The following BIN1 variants were observed in gnomAD, a reference collection of about 807,000 sequenced individuals.
BIN1 encodes myc box-dependent-interacting protein 1.
In BIN1, 53 loss-of-function variants were observed where a neutral mutation model predicts 82.0. The ratio of observed to expected loss-of-function variants is 0.65; its 90% CI spans 0.52 to 0.81. The LOEUF (loss-of-function observed/expected upper bound fraction) is 0.81. Ranked by LOEUF, BIN1 falls within the 40% of genes least tolerant of loss-of-function variation. BIN1 has a pLI of 0.00. For synonymous variants in BIN1, 302 were observed against 328.0 expected, an observed-to-expected ratio of 0.92 and a Z score of 0.86; for missense variants, 642 against 784.4, an observed-to-expected ratio of 0.82 and a Z score of 2.17.
rs535169476 is a variant in BIN1, at chr2:127,057,773, A to G, written c.1003-172T>C. Among the ~76,000 whole-genome samples the G allele has an allele frequency of 1.3e-5, 2 of 151,562 alleles. No individual in the cohort carries two copies. Among genetic ancestry groups the G allele is most frequent in the African/African-American group, 4.8e-5 (2 of 41,372 alleles). ...GAGTCACTGCCCTCCCAGCCCCCCA[A>G]CATAGACACCAAGACCCCAGGCCAC... On this transcript the variant is annotated intron_variant, in intron 11 of 18. Transcript: ENST00000316724. The surrounding 1 kb of genome is among the most constrained non-coding windows in gnomAD (Gnocchi z 5.0).
rs1683913407 is a variant in BIN1 at position 127,057,876 on chromosome 2, A to G, written c.1003-275T>C. Among the ~76,000 whole-genome samples, 1 of 115,096 alleles carries G rather than the reference A, an allele frequency of 8.7e-6. No homozygotes were observed. Among genetic ancestry groups the G allele is most frequent in the Admixed American group, 8.3e-5 (1 of 12,090 alleles). The allele number at this position is 115,096 out of a possible 152,430, so 75.5% of individuals were successfully genotyped here. A position where few individuals can be genotyped will look rare whatever the true frequency, so the allele number is the denominator to read the frequency against. On this transcript the variant is annotated intron_variant, in intron 11 of 18. Transcript: ENST00000316724. This position sits in a 1 kb window ranked among gnomAD's most constrained non-coding sequence, Gnocchi z 5.0. ...AGAGATAGAGAAGTGAGGGGAGAGG[A>G]GGAAGGAGAGCGAAGAAGAGAAGAG...
intron 1 of BIN1, among the ~76,000 whole-genome samples, chr2:127,078,262 C>T (rs1332579253): frequency 6.6e-6 from 1 of 152,258 alleles, no homozygotes; most frequent in Middle Eastern, 3.2e-3. Flanking sequence ...TGCTCTGTGC[C>T]TGGCCTTGGG....
chr2:127,070,558 C>T lies in BIN1; in HGVS notation c.310G>A (p.Ala104Thr), dbSNP rs754932468. The change falls in exon 4 of 19, where the codon GCA becomes ACA. Residue 104 changes from alanine (A) to threonine (T), a missense_variant. Physicochemically the swap from Ala to Thr is moderately conservative, Grantham distance 58. Coordinates refer to ENST00000316724, the MANE Select transcript of BIN1 (RefSeq NM_139343.3). ...WPGRDEANKI[A>T]ENNDLLWMDY... Reference sequence around the variant, plus strand: ...CCCACCTGTCCCATGCTCACCTCTGCGATCTTGTTTGCCTCATCCCTGCCG... The same window carrying T: ...CCCACCTGTCCCATGCTCACCTCTGTGATCTTGTTTGCCTCATCCCTGCCG... The T allele has an allele frequency of 1.2e-6, 2 of 1,614,066 alleles. No homozygotes were observed. The highest frequency in any genetic ancestry group is 1.6e-4 in the Middle Eastern group (1 of 6,062).
chr2:127,070,996 G>A (rs965629661), intron 2 of BIN1, among the ~76,000 whole-genome samples, 180 bp from the exon 3 acceptor site: 3 of 152,098 alleles, frequency 2.0e-5, no homozygotes, highest in African/African-American at 4.8e-5. Flanking sequence ...GAAGCCCTGC[G>A]TCCATAGGCA....
intron 15 of BIN1, among the ~76,000 whole-genome samples, chr2:127,051,515 G>A (rs560521759): frequency 6.6e-6 from 1 of 152,238 alleles, no homozygotes; most frequent in Admixed American, 6.5e-5. Context: ...GCAAGCCCCA[G>A]AGTGCCACCC....
chr2:127,072,136 GGCCA>G (rs1685968209), intron 2 of BIN1, among the ~76,000 whole-genome samples: 1 of 152,224 alleles, frequency 6.6e-6, no homozygotes, highest in Non-Finnish European at 1.5e-5. Context: ...GCTCCAGTCT[GGCCA>G]GCTTCATGCT....
At chr2:127,089,360 G>A (rs920622521) in intron 1 of BIN1, among the ~76,000 whole-genome samples, 8 of 152,130 alleles carry the variant, frequency 5.3e-5, no homozygotes, top group Non-Finnish European at 7.4e-5. Flanking sequence ...CCAGGCTGGC[G>A]CGTGTACACA....
Position 127,048,163 on chromosome 2 carries a change from C to T in BIN1, c.*363G>A, listed in dbSNP as rs893642016. 122 of 345,248 alleles carry T rather than the reference C, an allele frequency of 3.5e-4. No individual in the cohort carries two copies. The highest frequency in any genetic ancestry group is 2.3e-3 in the African/African-American group (110 of 47,254). The allele number at this position is 345,248 out of a possible 1,614,324, so 21.4% of individuals were successfully genotyped here. ...GTCTGGGCCCCACCCACAGCAGCTG[C>T]CAGGAAAAGAGGACCCTTGCCCGGG... On this transcript the variant is annotated 3_prime_UTR_variant, in exon 19 of 19. Coordinates refer to ENST00000316724, the MANE Select transcript of BIN1 (RefSeq NM_139343.3).
At chr2:127,070,507 C>A (rs1205090955) in intron 4 of BIN1, 46 bp downstream of exon 4, 1 of 1,602,094 alleles carries the variant, frequency 6.2e-7, no homozygotes, top group East Asian at 2.2e-5. Flanking sequence ...GGAGCTGAGA[C>A]CAGAGGGCCC....
intron 4 of BIN1, 137 bp from the exon 5 acceptor site, chr2:127,070,227 G>C: frequency 4.0e-6 from 3 of 744,272 alleles, no homozygotes; most frequent in Non-Finnish European, 4.7e-6. Context: ...TTCCCCATCT[G>C]TAAGATGGGG....
chr2:127,084,412 G>C (rs1324516851), intron 1 of BIN1, among the ~76,000 whole-genome samples: 1 of 152,196 alleles, frequency 6.6e-6, no homozygotes, highest in African/African-American at 2.4e-5. Context: ...GCGACCAGTG[G>C]GAGGTTTCGG....
intron 1 of BIN1, among the ~76,000 whole-genome samples, chr2:127,102,402 T>C (rs920480021): frequency 6.6e-6 from 1 of 152,200 alleles, no homozygotes; most frequent in Non-Finnish European, 1.5e-5. Context: ...TTGCGATCCA[T>C]AGATCTTCCT....
chr2:127,107,000 C>T lies in BIN1; in HGVS notation c.-57G>A. 6.5e-7 allele frequency: 1 copy of T among 1,542,518 alleles called. No individual in the cohort carries two copies. The highest frequency in any genetic ancestry group is 8.7e-7 in the Non-Finnish European group (1 of 1,148,240). ...CGCTCTCGCGCGGGGAGATCTTGCG[C>T]GCCGCGCTCCCAGCCCCCAGCCCCG... On this transcript the variant is annotated 5_prime_UTR_variant, in exon 1 of 19. Transcript: ENST00000316724.
rs1341756364 is a variant in BIN1 at position 127,068,871 on chromosome 2, C to T, written c.519+53G>A. On this transcript the variant is annotated intron_variant, in intron 6 of 18. Coordinates refer to ENST00000316724, the MANE Select transcript of BIN1 (RefSeq NM_139343.3). The surrounding 1 kb of genome is among the most constrained non-coding windows in gnomAD (Gnocchi z 4.9). ...CTCCACCCTCGGGGTCCTAGACACC[C>T]GCCCTCTCTCAGCCCCCTGCAGACG... 9.1e-6 allele frequency: 14 copies of T among 1,539,514 alleles called. No homozygotes were observed. The highest frequency in any genetic ancestry group is 1.7e-5 in the Admixed American group (1 of 59,858).
chr2:127,091,135 T>C (rs1049021985), intron 1 of BIN1, among the ~76,000 whole-genome samples: 1 of 152,128 alleles, frequency 6.6e-6, no homozygotes, highest in Non-Finnish European at 1.5e-5. Flanking sequence ...TCAAACAGTA[T>C]TGTTGTCATT....
chr2:127,084,631 G>A lies in BIN1; in HGVS notation c.85-7925C>T, dbSNP rs139910938. ...GCCGCAGATTATTACCCCTGCTTTA[G>A]AGATAAGAAAGGAAAGGCTGCGGCA... is the stretch of plus-strand genomic sequence containing the variant. On this transcript the variant is annotated intron_variant, in intron 1 of 18. Coordinates refer to ENST00000316724, the MANE Select transcript of BIN1 (RefSeq NM_139343.3). 4.5e-3 allele frequency among the ~76,000 whole-genome samples: 688 copies of A among 152,346 alleles called. 8 individuals carry two copies. The highest frequency in any genetic ancestry group is 0.016 in the African/African-American group (651 of 41,572).
chr2:127,076,166 C>T (rs1270310396), intron 2 of BIN1, among the ~76,000 whole-genome samples: 1 of 152,160 alleles, frequency 6.6e-6, no homozygotes, highest in Non-Finnish European at 1.5e-5. Context: ...CGGATGCCTC[C>T]CCACAGCCCA....
intron 18 of BIN1, 21 bp from the exon 19 acceptor site, chr2:127,048,654 T>C: frequency 1.2e-6 from 2 of 1,610,288 alleles, no homozygotes; most frequent in Non-Finnish European, 1.7e-6. Context: ...GAGCACCAGG[T>C]CGCACAGGGA....
chr2:127,070,645 T>A lies in BIN1; in HGVS notation c.223A>T (p.Met75Leu). 1 of 1,614,082 alleles carries A rather than the reference T, an allele frequency of 6.2e-7. No individual in the cohort carries two copies. The highest frequency in any genetic ancestry group is 1.1e-5 in the South Asian group (1 of 91,076). Residue 75 changes from methionine to leucine, a missense_variant and splice_region_variant, in exon 4 of 19, where the codon ATG becomes TTG. Physicochemically the swap from Met to Leu is conservative, Grantham distance 15. Coordinates refer to ENST00000316724, the MANE Select transcript of BIN1 (RefSeq NM_139343.3). ...LRTYLASVKA[M>L]HEASKKLNEC... ...TTCAGCTTCTTGGAAGCCTCGTGCATGGCTGTGGGGCAGAAAGGAAGTATG... is the reference window on the plus strand; with the variant it reads ...TTCAGCTTCTTGGAAGCCTCGTGCAAGGCTGTGGGGCAGAAAGGAAGTATG...
Sources: allele counts gnomAD v4.1 joint callset (sites outside exome capture counted in the v4.1 genomes callset), GRCh38; gene constraint gnomAD v4.1.1; non-coding constraint Gnocchi (gnomAD v3.1); transcripts MANE v1.5; gene names NCBI Gene and HGNC (gene_info 2026-07-23, HGNC 2026-07-21).